The following HMGCLL1 variants were observed in gnomAD, a reference collection of about 807,000 sequenced individuals.
HMGCLL1 encodes 3-hydroxymethyl-3-methylglutaryl-CoA lyase, cytoplasmic.
Under a neutral mutation model 39.1 loss-of-function variants are expected in HMGCLL1, and 36 were observed. The ratio of observed to expected loss-of-function variants is 0.92; its 90% CI spans 0.71 to 1.22. The LOEUF is 1.22. Ranked by LOEUF, HMGCLL1 falls within the 50% of genes most tolerant of loss-of-function variation. The pLI is 0.00. For synonymous variants in HMGCLL1, 149 were observed against 144.0 expected, an observed-to-expected ratio of 1.03 and a Z score of -0.25; for missense variants, 451 against 416.5, an observed-to-expected ratio of 1.08 and a Z score of -0.72.
At chr6:55,542,505 C>A (rs1172342065) in intron 1 of HMGCLL1, among the ~76,000 whole-genome samples, 1 of 151,918 alleles carries the variant, frequency 6.6e-6, no homozygotes, top group Non-Finnish European at 1.5e-5. Flanking sequence ...CTTGACCAGG[C>A]ACAGTGGCTC....
chr6:55,554,027 GT>G (rs1288619567), intron 1 of HMGCLL1, among the ~76,000 whole-genome samples: 1 of 152,052 alleles, frequency 6.6e-6, no homozygotes, highest in Non-Finnish European at 1.5e-5. Flanking sequence ...GTCAACCTCA[GT>G]TTGAACCTTT....
At chr6:55,481,637 A>G (rs536588662) in intron 7 of HMGCLL1, among the ~76,000 whole-genome samples, 29 of 150,784 alleles carry the variant, frequency 1.9e-4, no homozygotes, top group South Asian at 6.4e-4. Flanking sequence ...AGCATGCCCT[A>G]TTTCAAGGGG....
the HMGCLL1 span, among the ~76,000 whole-genome samples, chr6:55,586,144 C>T: frequency 3.9e-5 from 6 of 151,972 alleles, no homozygotes; most frequent in African/African-American, 1.4e-4. Flanking sequence ...TATAATGTTG[C>T]TTAACTAACT....
At chr6:55,610,761 AAAC>A in the HMGCLL1 span, among the ~76,000 whole-genome samples, 3 of 152,186 alleles carry the variant, frequency 2.0e-5, no homozygotes, top group Non-Finnish European at 2.9e-5. Context: ...AAATGAAGGA[AAAC>A]ATTTTAAGGG....
chr6:55,551,694 G>A (rs1770336344), intron 1 of HMGCLL1, among the ~76,000 whole-genome samples: 1 of 151,954 alleles, frequency 6.6e-6, no homozygotes, highest in Non-Finnish European at 1.5e-5. Flanking sequence ...AAACCAGAAA[G>A]ATGTTATGAT....
the HMGCLL1 span, among the ~76,000 whole-genome samples, chr6:55,592,958 C>G: frequency 5.0e-4 from 76 of 152,204 alleles, no homozygotes; most frequent in African/African-American, 1.7e-3. Flanking sequence ...TGAAATTACA[C>G]TAAGCTAAAG....
chr6:55,657,051 T>G, the HMGCLL1 span, among the ~76,000 whole-genome samples: 4 of 151,128 alleles, frequency 2.6e-5, no homozygotes, highest in Non-Finnish European at 4.4e-5. Context: ...GGTTTTGTTG[T>G]TTTTTTTCTA....
intron 3 of HMGCLL1, among the ~76,000 whole-genome samples, chr6:55,532,849 A>G (rs1044146104): frequency 7.1e-6 from 1 of 140,212 alleles, no homozygotes; most frequent in African/African-American, 2.6e-5. Flanking sequence ...TAATAATAAT[A>G]ATAATAGTTT....
At chr6:55,638,690 C>G in the HMGCLL1 span, among the ~76,000 whole-genome samples, 2 of 152,110 alleles carry the variant, frequency 1.3e-5, no homozygotes, top group East Asian at 3.9e-4. Context: ...ATAAGGCTGC[C>G]TAATCCACAG....
intron 1 of HMGCLL1, among the ~76,000 whole-genome samples, chr6:55,578,745 AG>A (rs1385897015): frequency 9.9e-5 from 15 of 152,214 alleles, no homozygotes; most frequent in African/African-American, 3.6e-4. Flanking sequence ...TCTGATCTGT[AG>A]AGGCGGGTCG....
intron 1 of HMGCLL1, among the ~76,000 whole-genome samples, chr6:55,564,187 C>G (rs1004009826): frequency 6.6e-6 from 1 of 151,876 alleles, no homozygotes; most frequent in African/African-American, 2.4e-5. Context: ...AGGACAACTG[C>G]CTTGTCATTA....
At chr6:55,529,165 C>A (rs1019789668) in intron 3 of HMGCLL1, among the ~76,000 whole-genome samples, 5 of 152,062 alleles carry the variant, frequency 3.3e-5, no homozygotes, top group African/African-American at 9.7e-5. Flanking sequence ...ATCATGTTCC[C>A]AACATCATTC....
chr6:55,518,981 A>G (rs933484655), intron 3 of HMGCLL1, among the ~76,000 whole-genome samples: 2 of 152,194 alleles, frequency 1.3e-5, no homozygotes, highest in Non-Finnish European at 2.9e-5. Context: ...ATAGGGTTGG[A>G]AAAGAAAGAC....
intron 7 of HMGCLL1, among the ~76,000 whole-genome samples, chr6:55,478,959 A>C (rs1025582546): frequency 2.6e-5 from 4 of 151,568 alleles, no homozygotes; most frequent in African/African-American, 9.8e-5. Context: ...CAAAAAGGGA[A>C]TACTATGGCT....
At chr6:55,578,885 G>T in intron 1 of HMGCLL1, 63 bp downstream of exon 1, 2 of 1,218,816 alleles carry the variant, frequency 1.6e-6, no homozygotes, top group Non-Finnish European at 1.2e-6. Context: ...GAGGTTGCAG[G>T]GAGAGAGGCT....
intron 3 of HMGCLL1, among the ~76,000 whole-genome samples, chr6:55,523,353 A>C (rs1212951175): frequency 1.3e-5 from 2 of 151,994 alleles, no homozygotes; most frequent in Non-Finnish European, 2.9e-5. Flanking sequence ...TGGGATTTGA[A>C]AGGTAAGCTT....
intron 7 of HMGCLL1, among the ~76,000 whole-genome samples, chr6:55,484,203 T>G (rs1765887909): frequency 6.6e-6 from 1 of 152,146 alleles, no homozygotes; most frequent in Non-Finnish European, 1.5e-5. Flanking sequence ...TCCTTGGTCC[T>G]CATCATACGT....
At chr6:55,626,527 A>G in the HMGCLL1 span, among the ~76,000 whole-genome samples, 1 of 152,082 alleles carries the variant, frequency 6.6e-6, no homozygotes. Context: ...AAGGCCATGT[A>G]TGCTCTGATT....
chr6:55,515,694 A>G (rs143370468), intron 4 of HMGCLL1, among the ~76,000 whole-genome samples: 5 of 152,220 alleles, frequency 3.3e-5, no homozygotes, highest in African/African-American at 1.2e-4. Context: ...CTTTGTTAGG[A>G]TTACTAGATG....
Sources: gnomAD v4.1 joint callset for allele counts (sites outside exome capture counted in the v4.1 genomes callset) on GRCh38, gnomAD v4.1.1 for gene constraint, MANE v1.5 for transcripts, NCBI Gene and HGNC (gene_info 2026-07-23, HGNC 2026-07-21) for gene names.